Variants in UBE2B observed in about 807,000 individuals in gnomAD.
UBE2B encodes the protein ubiquitin conjugating enzyme E2 B, also known as ubiquitin-conjugating enzyme E2 B.
In UBE2B, 11 loss-of-function variants were observed where a neutral mutation model predicts 24.6. That is an observed-to-expected ratio of 0.45 (90% CI 0.28 to 0.74). The LOEUF is 0.74. UBE2B is among the 30% of genes least tolerant of loss of function. The pLI is 0.13. For missense variants in UBE2B, 78 were observed against 185.6 expected, an observed-to-expected ratio of 0.42 and a Z score of 3.37; for synonymous variants, 68 against 62.4, an observed-to-expected ratio of 1.09 and a Z score of -0.42.
chr5:134,379,586 C>T (rs530522038), intron 3 of UBE2B, among the ~76,000 whole-genome samples: 1 of 141,616 alleles, frequency 7.1e-6, no homozygotes, highest in East Asian at 2.0e-4. Context: ...ACGGAGGCTG[C>T]AGTAAGCTGA....
chr5:134,373,254 A>G (rs1378740174), intron 1 of UBE2B, among the ~76,000 whole-genome samples: 2 of 151,742 alleles, frequency 1.3e-5, no homozygotes, highest in Admixed American at 1.3e-4. Context: ...GCCTAATACT[A>G]GTTTCCTAGT....
At chr5:134,384,385 A>C (rs543397323) in intron 4 of UBE2B, among the ~76,000 whole-genome samples, 1 of 151,702 alleles carries the variant, frequency 6.6e-6, no homozygotes, top group Non-Finnish European at 1.5e-5. Flanking sequence ...GACAGGTTTA[A>C]TTTTATTTTC....
intron 5 of UBE2B, 57 bp downstream of exon 5, chr5:134,388,470 C>A: frequency 1.3e-6 from 2 of 1,483,020 alleles, no homozygotes; most frequent in Non-Finnish European, 1.9e-6. Context: ...ATATAGTCAG[C>A]TCCTTAGCAC....
Position 134,380,251 on chromosome 5 carries a change from TTG to T in UBE2B, c.152-459_152-458del, listed in dbSNP as rs1421250940. 2.0e-5 allele frequency among the ~76,000 whole-genome samples: 3 copies of T among 152,146 alleles called. 1 individual carries two copies. The highest frequency in any genetic ancestry group is 4.4e-5 in the Non-Finnish European group (3 of 68,024). On this transcript the variant is annotated intron_variant, in intron 3 of 5. Transcript: ENST00000265339. ...GAAGATTTTCTGAGTTAAAGTTTTT[TTG>T]TGTGTGTGAGACGGAGTCTTGCTTT...
intron 4 of UBE2B, among the ~76,000 whole-genome samples, chr5:134,387,841 C>T (rs139172256): frequency 3.7e-4 from 57 of 152,242 alleles, no homozygotes; most frequent in African/African-American, 1.3e-3. Context: ...CTTACCCTGT[C>T]ATCCAGGCTG....
At chr5:134,371,758 A>C (rs1758434135) in intron 1 of UBE2B, 119 bp downstream of exon 1, 4 of 1,468,066 alleles carry the variant, frequency 2.7e-6, no homozygotes, top group Non-Finnish European at 3.7e-6. Context: ...GCCCAGCGGG[A>C]CTGGCGGAAG....
At chr5:134,382,876 A>C (rs940416859) in intron 4 of UBE2B, among the ~76,000 whole-genome samples, 2 of 152,048 alleles carry the variant, frequency 1.3e-5, no homozygotes, top group Admixed American at 1.3e-4. Context: ...TTCCTTAATA[A>C]ATATTCTGGG....
Position 134,390,551 on chromosome 5 carries a change from T to C in UBE2B, c.*198T>C, listed in dbSNP as rs1485393997. 3.5e-6 allele frequency: 2 copies of C among 575,478 alleles called. No homozygotes were observed. Among genetic ancestry groups the C allele is most frequent in the African/African-American group, 1.9e-5 (1 of 53,024 alleles). The allele number at this position is 575,478 out of a possible 1,614,324, so 35.6% of individuals were successfully genotyped here. A position where few individuals can be genotyped will look rare whatever the true frequency, so the allele number is the denominator to read the frequency against. On this transcript the variant is annotated 3_prime_UTR_variant, in exon 6 of 6. Coordinates refer to ENST00000265339, the MANE Select transcript of UBE2B (RefSeq NM_003337.4). This position sits in a 1 kb window ranked among gnomAD's most constrained non-coding sequence, Gnocchi z 4.6. The stretch of plus-strand genomic sequence containing the variant: ...TTATTGCATGGTGTGAACTAAGTTA[T>C]TGCTGCATAAATTTGTAATATATCC...
chr5:134,382,840 TG>T (rs1404948477), intron 4 of UBE2B, among the ~76,000 whole-genome samples: 3 of 152,150 alleles, frequency 2.0e-5, no homozygotes, highest in Non-Finnish European at 4.4e-5. Flanking sequence ...TGTTTGTTTT[TG>T]TTTTTTTAAT....
rs548101336 is a variant in UBE2B, at chr5:134,391,698, C to G, written c.*1345C>G. The G allele has an allele frequency of 6.6e-6, 1 of 152,290 alleles. No homozygotes were observed. The highest frequency in any genetic ancestry group is 2.4e-5 in the African/African-American group (1 of 41,440). The allele number at this position is 152,290 out of a possible 1,614,324, so 9.4% of individuals were successfully genotyped here. On this transcript the variant is annotated 3_prime_UTR_variant, in exon 6 of 6. Coordinates refer to ENST00000265339, the MANE Select transcript of UBE2B (RefSeq NM_003337.4). Reference sequence around the variant, plus strand: ...TGCTTATAGGCTGGGCCAGGTGGCTCCCACCTGTAGTCCCAGCACTTTGGG... The same window carrying G: ...TGCTTATAGGCTGGGCCAGGTGGCTGCCACCTGTAGTCCCAGCACTTTGGG...
chr5:134,385,796 G>A (rs967559471), intron 4 of UBE2B, among the ~76,000 whole-genome samples: 5 of 151,340 alleles, frequency 3.3e-5, no homozygotes, highest in Non-Finnish European at 3.0e-5. Flanking sequence ...GGTGGATCAC[G>A]AGGTCAGGAC....
Position 134,374,463 on chromosome 5 carries a change from G to C in UBE2B, c.125G>C (p.Gly42Ala). Residue 42 changes from glycine to alanine, a missense_variant and splice_region_variant, in exon 2 of 6, where the codon GGA becomes GCA. Gly to Ala is a moderately conservative substitution (Grantham distance 60, BLOSUM62 0). This residue lies in a region of UBE2B where 57 missense variants were observed against 167.7 expected (regional missense o/e 0.34). Transcript: ENST00000265339. ...ATGCAGTGGAATGCAGTTATATTTG[G>C]GTGAGTTGAAAGGTTTAACAAATAA... ...NIMQWNAVIF[G>A]PEGTPFEDGT... The C allele has an allele frequency of 6.4e-7, 1 of 1,553,312 alleles. No homozygotes were observed. Among genetic ancestry groups the C allele is most frequent in the Non-Finnish European group, 8.7e-7 (1 of 1,147,644 alleles).
At chr5:134,372,818 C>T (rs905485158) in intron 1 of UBE2B, among the ~76,000 whole-genome samples, 1 of 152,150 alleles carries the variant, frequency 6.6e-6, no homozygotes. Flanking sequence ...CCATGAAAAA[C>T]AACTGCATAT....
At chr5:134,376,633 G>C in intron 2 of UBE2B, 36 bp from the exon 3 acceptor site, 1 of 1,608,566 alleles carries the variant, frequency 6.2e-7, no homozygotes, top group Non-Finnish European at 8.5e-7. Flanking sequence ...AGCAGAATGA[G>C]AAACTTCTTT....
At chr5:134,376,483 G>C (rs1283943908) in intron 2 of UBE2B, among the ~76,000 whole-genome samples, 186 bp from the exon 3 acceptor site, 1 of 148,864 alleles carries the variant, frequency 6.7e-6, no homozygotes, top group Non-Finnish European at 1.5e-5. Context: ...TAGAATGAAA[G>C]TTAATACTTT....
At position 134,371,629 on chromosome 5, in the gene UBE2B, G is replaced by A. The variant is rs1758424398; in HGVS notation, c.34G>A (p.Asp12Asn). Residue 12 changes from aspartate to asparagine, a missense_variant, in exon 1 of 6, where the codon GAT becomes AAT. Around this residue, in one of 2 missense-constraint regions of UBE2B, gnomAD observed 21 missense variants for 17.9 expected, o/e 1.17. Coordinates refer to ENST00000265339, the MANE Select transcript of UBE2B (RefSeq NM_003337.4). ...STPARRRLMR[D>N]FKRLQEDPPV... The stretch of plus-strand genomic sequence containing the variant: ...CCCGGCCCGGAGGAGGCTCATGCGG[G>A]ATTTCAAGCGGTAAGGGCCTTCACC... The A allele has an allele frequency of 6.2e-7, 1 of 1,613,394 alleles. No homozygotes were observed.
In UBE2B at chr5:134,371,614, A is replaced by C. The variant is rs766904052; in HGVS notation, c.19A>C (p.Arg7=). Residue 7 remains arginine (R), a synonymous_variant, in exon 1 of 6, where the codon AGG becomes CGG. Transcript: ENST00000265339. ...GCGGAGCATGTCGACCCCGGCCCGG[A>C]GGAGGCTCATGCGGGATTTCAAGCG... MSTPAR[R]RLMRDFKRLQ... The C allele has an allele frequency of 6.2e-7, 1 of 1,611,964 alleles. No homozygotes were observed. The highest frequency in any genetic ancestry group is 1.1e-5 in the South Asian group (1 of 91,012).
In UBE2B at chr5:134,383,473, C is replaced by CTTTTTTTT. The variant is rs747399191; in HGVS notation, c.241+2685_241+2692dup. On this transcript the variant is annotated intron_variant, in intron 4 of 5. Transcript: ENST00000265339. ...TGCAGATGTGTGCCACCATACCCAG[C>CTTTTTTTT]TTTTTTTTTTTTTTTTTTTTTTTTT... is the stretch of plus-strand genomic sequence containing the variant. 4.5e-4 allele frequency among the ~76,000 whole-genome samples: 36 copies of CTTTTTTTT among 80,038 alleles called. 3 individuals carry two copies. The highest frequency in any genetic ancestry group is 1.8e-3 in the African/African-American group (34 of 18,434). 52.5% of individuals were successfully genotyped at this position (80,038 alleles called of 152,430 possible).
chr5:134,372,680 C>T lies in UBE2B; in HGVS notation c.44+1041C>T, dbSNP rs530451248. ...CTTATTTAATTCATTCGTAGCTTCT[C>T]TTAGCCATTTAAAGGTAGGCGTCAA... On this transcript the variant is annotated intron_variant, in intron 1 of 5. Coordinates refer to ENST00000265339, the MANE Select transcript of UBE2B (RefSeq NM_003337.4). 4.3e-4 allele frequency among the ~76,000 whole-genome samples: 66 copies of T among 152,248 alleles called. 1 individual carries two copies. Among genetic ancestry groups the T allele is most frequent in the African/African-American group, 1.5e-3 (63 of 41,544 alleles).
Sources: allele counts gnomAD v4.1 joint callset (sites outside exome capture counted in the v4.1 genomes callset), GRCh38; gene constraint gnomAD v4.1.1; regional missense constraint gnomAD v4.1.1; non-coding constraint Gnocchi (gnomAD v3.1); transcripts MANE v1.5; gene names NCBI Gene and HGNC (gene_info 2026-07-23, HGNC 2026-07-21).